Variants in TRIM29 observed in about 807,000 individuals in gnomAD.
The protein encoded by TRIM29 is tripartite motif-containing protein 29.
A neutral mutation model predicts 57.3 loss-of-function variants in TRIM29; 52 were observed. That is an observed-to-expected ratio of 0.91 (90% CI 0.73 to 1.14). TRIM29 has a LOEUF of 1.14. Ranked by LOEUF, TRIM29 falls within the 50% of genes most tolerant of loss-of-function variation. The pLI, the probability that TRIM29 is intolerant of heterozygous loss-of-function variation, is 0.00. For synonymous variants in TRIM29, 319 were observed against 316.9 expected, an observed-to-expected ratio of 1.01 and a Z score of -0.07; for missense variants, 753 against 774.6, an observed-to-expected ratio of 0.97 and a Z score of 0.33.
At chr11:120,127,186 ATGGATGGATGGT>A in intron 3 of TRIM29, 138 bp downstream of exon 3, 1 of 671,824 alleles carries the variant, frequency 1.5e-6, no homozygotes, top group Non-Finnish European at 2.5e-6. Flanking sequence ...AGATGGATGA[ATGGATGGATGGT>A]TGGATGGCTG....
intron 1 of TRIM29, among the ~76,000 whole-genome samples, chr11:120,131,230 C>T (rs571188570): frequency 5.9e-5 from 9 of 152,124 alleles, no homozygotes; most frequent in African/African-American, 2.2e-4. Flanking sequence ...CCCAGGTGAG[C>T]GTGGATTCAT....
intron 1 of TRIM29, among the ~76,000 whole-genome samples, chr11:120,131,473 G>A (rs900270090): frequency 2.0e-5 from 3 of 152,136 alleles, no homozygotes; most frequent in Middle Eastern, 3.2e-3. Flanking sequence ...GCCAGAAGGG[G>A]AGACTGTCTG....
At chr11:120,133,967 A>T (rs1863767399) in intron 1 of TRIM29, among the ~76,000 whole-genome samples, 1 of 152,114 alleles carries the variant, frequency 6.6e-6, no homozygotes, top group Non-Finnish European at 1.5e-5. Flanking sequence ...AAGAGCAGCC[A>T]GCCGTCCACC....
chr11:120,121,937 A>T (rs1317961850), intron 5 of TRIM29: 1 of 447,008 alleles, frequency 2.2e-6, no homozygotes, highest in Non-Finnish European at 4.5e-6. Flanking sequence ...AACTTGCCCA[A>T]AGGCACAGCA....
At chr11:120,129,634 C>T (rs966209824) in intron 1 of TRIM29, among the ~76,000 whole-genome samples, 2 of 151,734 alleles carry the variant, frequency 1.3e-5, no homozygotes, top group African/African-American at 4.8e-5. Context: ...ATGCGGCACA[C>T]CTTCTGAACG....
chr11:120,131,394 T>C (rs928130508), intron 1 of TRIM29, among the ~76,000 whole-genome samples: 2 of 152,138 alleles, frequency 1.3e-5, no homozygotes, highest in African/African-American at 4.8e-5. Context: ...ATAGGGCTAG[T>C]TGAGCACCGA....
At position 120,112,386 on chromosome 11, in the gene TRIM29, G is replaced by A. The variant is rs988217451; in HGVS notation, c.*28C>T. ...CAGGGTCAGGAGGAAGAGCAGGGGT[G>A]TGGCGCCTCGTTCCTTCCGCCAGGA... On this transcript the variant is annotated 3_prime_UTR_variant, in exon 9 of 9. Coordinates refer to ENST00000341846, the MANE Select transcript of TRIM29 (RefSeq NM_012101.4). 2 of 1,612,492 alleles carry A rather than the reference G, an allele frequency of 1.2e-6. No individual in the cohort carries two copies. Among genetic ancestry groups the A allele is most frequent in the Admixed American group, 1.7e-5 (1 of 59,980 alleles).
intron 5 of TRIM29, chr11:120,121,393 C>G (rs1215085552): frequency 6.4e-6 from 1 of 157,328 alleles, no homozygotes; most frequent in Non-Finnish European, 1.4e-5. Flanking sequence ...AGGACCCAGT[C>G]CCTTTAGGGG....
Position 120,137,937 on chromosome 11 carries a change from C to T in TRIM29, c.95G>A (p.Gly32Asp). 1 of 1,608,734 alleles carries T rather than the reference C, an allele frequency of 6.2e-7. No individual in the cohort carries two copies. Among genetic ancestry groups the T allele is most frequent in the South Asian group, 1.1e-5 (1 of 91,082 alleles). ...PSGPSGSLEN[G>D]TKADGKDAKT... ...GGCATCCTTGCCGTCAGCCTTGGTGCCATTCTCCAGGCTGCCACTGGGGCC... is the reference window on the plus strand; with the variant it reads ...GGCATCCTTGCCGTCAGCCTTGGTGTCATTCTCCAGGCTGCCACTGGGGCC... The change falls in exon 1 of 9, where the codon GGC becomes GAC. Residue 32 changes from glycine (G) to aspartate (D), a missense_variant. Transcript: ENST00000341846. The surrounding 1 kb of genome is among the most constrained non-coding windows in gnomAD (Gnocchi z 6.2).
chr11:120,121,780 C>T, intron 5 of TRIM29: 3 of 331,832 alleles, frequency 9.0e-6, no homozygotes, highest in South Asian at 6.9e-5. Flanking sequence ...TCCTACAGAG[C>T]AGGAGAGACC....
At chr11:120,132,401 C>T (rs1490231532) in intron 1 of TRIM29, among the ~76,000 whole-genome samples, 2 of 152,178 alleles carry the variant, frequency 1.3e-5, no homozygotes, top group African/African-American at 4.8e-5. Context: ...TCCTCCCTGC[C>T]CAGGCCTGTC....
chr11:120,125,844 G>T lies in TRIM29; in HGVS notation c.1180C>A (p.Pro394Thr). 1 of 1,614,174 alleles carries T rather than the reference G, an allele frequency of 6.2e-7. No homozygotes were observed. Among genetic ancestry groups the T allele is most frequent in the Non-Finnish European group, 8.5e-7 (1 of 1,180,024 alleles). The change falls in exon 4 of 9, where the codon CCC becomes ACC. Residue 394 changes from proline (P) to threonine (T), a missense_variant. Coordinates refer to ENST00000341846, the MANE Select transcript of TRIM29 (RefSeq NM_012101.4). Reference sequence around the variant, plus strand: ...CCCTCCAGCAGGACATGATAGGTGGGCAGGGGTGGGGGGAGAGAGTAATTG... The same window carrying T: ...CCCTCCAGCAGGACATGATAGGTGGTCAGGGGTGGGGGGAGAGAGTAATTG... ...MSNYSLPPPL[P>T]TYHVLLEGEG...
chr11:120,137,585 C>T lies in TRIM29; in HGVS notation c.447G>A (p.Arg149=). 3 of 1,612,992 alleles carry T rather than the reference C, an allele frequency of 1.9e-6. No individual in the cohort carries two copies. Among genetic ancestry groups the T allele is most frequent in the Non-Finnish European group, 2.5e-6 (3 of 1,180,002 alleles). Residue 149 remains arginine (R), a synonymous_variant, in exon 1 of 9, where the codon CGG becomes CGA. Transcript: ENST00000341846. The surrounding 1 kb of genome is among the most constrained non-coding windows in gnomAD (Gnocchi z 6.2). ...TVSIMEPGET[R]RNSYPRADTG... ...TGTCGGCCCGGGGGTAGCTGTTCCG[C>T]CGGGTCTCCCCGGGCTCCATGATGG...
intron 8 of TRIM29, among the ~76,000 whole-genome samples, chr11:120,114,277 G>A (rs1041317718): frequency 1.3e-5 from 2 of 152,166 alleles, no homozygotes; most frequent in African/African-American, 4.8e-5. Context: ...ACTGAGTCTA[G>A]AACAGAAACC....
At position 120,128,416 on chromosome 11, in the gene TRIM29, T is replaced by G; in HGVS notation, c.884A>C (p.Glu295Ala). Reference protein sequence around the residue: ...IEDEAEKWQKEKDRIKSFTTN... With the variant: ...IEDEAEKWQKAKDRIKSFTTN... The stretch of plus-strand genomic sequence containing the variant: ...GCTGCTCACCTTGATGCGGTCCTTC[T>G]CCTTCTGCCACTTCTCAGCTTCATC... The change falls in exon 2 of 9, where the codon GAG becomes GCG. Residue 295 changes from glutamate (E) to alanine (A), a missense_variant. Glu to Ala is a moderately radical substitution (Grantham distance 107). Transcript: ENST00000341846. 1 of 1,612,308 alleles carries G rather than the reference T, an allele frequency of 6.2e-7. No homozygotes were observed. Among genetic ancestry groups the G allele is most frequent in the Non-Finnish European group, 8.5e-7 (1 of 1,180,016 alleles).
chr11:120,136,805 TAAA>T (rs1378710017), intron 1 of TRIM29, among the ~76,000 whole-genome samples: 3 of 116,458 alleles, frequency 2.6e-5, no homozygotes, highest in African/African-American at 9.7e-5. Flanking sequence ...AAAAAAAAAA[TAAA>T]AGAAGAAGAA....
Position 120,118,253 on chromosome 11 carries a change from C to T in TRIM29, c.1597G>A (p.Val533Ile), listed in dbSNP as rs569897759. 69 of 1,614,006 alleles carry T rather than the reference C, an allele frequency of 4.3e-5. 1 individual carries two copies. In the South Asian group the frequency reaches 4.6e-4, roughly 11 times the overall value. ...IQNSDNDLPV[V>I]QGSSSFSLKG... is the part of the protein sequence containing the mutation. ...AGGGAGAAGGAGGAGCTGCCTTGGACGACGGGCAGGTCATTGTCAGAGTTC... is the reference window on the plus strand; with the variant it reads ...AGGGAGAAGGAGGAGCTGCCTTGGATGACGGGCAGGTCATTGTCAGAGTTC... Residue 533 changes from valine (V) to isoleucine (I), a missense_variant, in exon 7 of 9, where the codon GTC (valine) becomes ATC (isoleucine). By Grantham distance (29) the Val-to-Ile change is conservative. Transcript: ENST00000341846.
intron 6 of TRIM29, among the ~76,000 whole-genome samples, chr11:120,119,587 G>A (rs1004229683): frequency 5.3e-5 from 8 of 152,298 alleles, no homozygotes; most frequent in Admixed American, 2.6e-4. Context: ...CTGTAGCAGC[G>A]AACAGGACAG....
In TRIM29 at chr11:120,122,941, G is replaced by T. The variant is rs1009552820; in HGVS notation, c.1435+13C>A. The stretch of plus-strand genomic sequence containing the variant: ...GAGAGACACTAGGTCTGGGGTGAGG[G>T]GCTCCCTCTTACCTTTGGGTGTCAG... On this transcript the variant is annotated intron_variant, in intron 5 of 8. Coordinates refer to ENST00000341846, the MANE Select transcript of TRIM29 (RefSeq NM_012101.4). 8.7e-6 allele frequency: 14 copies of T among 1,611,714 alleles called. No homozygotes were observed. Among genetic ancestry groups the T allele is most frequent in the Middle Eastern group, 3.4e-4 (2 of 5,962 alleles).
Sources: gnomAD v4.1 joint callset for allele counts (sites outside exome capture counted in the v4.1 genomes callset) on GRCh38, gnomAD v4.1.1 for gene constraint, Gnocchi (gnomAD v3.1) non-coding constraint, MANE v1.5 for transcripts, NCBI Gene and HGNC (gene_info 2026-07-23, HGNC 2026-07-21) for gene names.